Variants in HS3ST3A1 observed in about 807,000 individuals in gnomAD.
HS3ST3A1 encodes the protein heparan sulfate glucosamine 3-O-sulfotransferase 3A1.
HS3ST3A1 carries 19 observed loss-of-function variants against 25.7 expected under a neutral mutation model. The ratio of observed to expected loss-of-function variants is 0.74; its 90% CI spans 0.52 to 1.08. HS3ST3A1 has a LOEUF of 1.08. Among genes scored for constraint, HS3ST3A1 ranks in the 50% least tolerant of loss-of-function variants. HS3ST3A1 has a pLI of 0.00. For missense variants in HS3ST3A1, 459 were observed against 594.3 expected, an observed-to-expected ratio of 0.77 and a Z score of 2.37; for synonymous variants, 226 against 278.6, an observed-to-expected ratio of 0.81 and a Z score of 1.88.
In HS3ST3A1 at chr17:13,496,743, G is replaced by A. The variant is rs766645540; in HGVS notation, c.675C>T (p.Ala225=). Residue 225 remains alanine, a synonymous_variant, in exon 2 of 2, where the codon GCC becomes GCT. Transcript: ENST00000284110. The part of the protein sequence containing the change: ...KTPSYFVTRE[A]PARISAMSKD... Reference sequence around the variant, plus strand: ...TGGACATGGCCGAGATGCGCGCGGGGGCCTCCCGCGTGACGAAGTAACTGG... The same window carrying A: ...TGGACATGGCCGAGATGCGCGCGGGAGCCTCCCGCGTGACGAAGTAACTGG... 4.5e-5 allele frequency: 73 copies of A among 1,613,992 alleles called. 1 individual carries two copies. In the South Asian group the frequency reaches 7.6e-4, roughly 17 times the overall value.
intron 1 of HS3ST3A1, among the ~76,000 whole-genome samples, chr17:13,574,493 C>T (rs1340170778): frequency 2.0e-5 from 3 of 151,442 alleles, no homozygotes; most frequent in South Asian, 2.1e-4. Context: ...CTGAGACAGG[C>T]GGATCACGAG....
chr17:13,506,828 G>C (rs558165567), intron 1 of HS3ST3A1, among the ~76,000 whole-genome samples: 1 of 151,826 alleles, frequency 6.6e-6, no homozygotes, highest in African/African-American at 2.4e-5. Flanking sequence ...AGGCCGAGGC[G>C]GGTGGATCGC....
In HS3ST3A1 at chr17:13,509,852, A is replaced by G. The variant is rs980414252; in HGVS notation, c.600-13034T>C. Among the ~76,000 whole-genome samples, 5 of 152,230 alleles carry G rather than the reference A, an allele frequency of 3.3e-5. No homozygotes were observed. The East Asian group carries it at 7.7e-4, about 23-fold the overall frequency. ...CGAAAGAACACAAAAAGCCAGGCTT[A>G]GATTCTGAGTCTTCTGATGCTTGGC... On this transcript the variant is annotated intron_variant, in intron 1 of 1. Transcript: ENST00000284110.
At chr17:13,551,824 TC>T (rs2142357062) in intron 1 of HS3ST3A1, among the ~76,000 whole-genome samples, 1 of 152,334 alleles carries the variant, frequency 6.6e-6, no homozygotes, top group African/African-American at 2.4e-5. Flanking sequence ...ATTTGGTATT[TC>T]CTTGTGGCAT....
At chr17:13,512,135 T>TAA (rs1409394064) in intron 1 of HS3ST3A1, among the ~76,000 whole-genome samples, 1 of 151,786 alleles carries the variant, frequency 6.6e-6, no homozygotes, top group Admixed American at 6.6e-5. Flanking sequence ...CCGTCTCTAC[T>TAA]AAAAATACAA....
intron 1 of HS3ST3A1, among the ~76,000 whole-genome samples, chr17:13,506,866 G>A (rs1905695745): frequency 1.3e-5 from 2 of 151,292 alleles, no homozygotes; most frequent in Non-Finnish European, 2.9e-5. Context: ...AGGCCAGCCT[G>A]GGCAACATGC....
chr17:13,541,710 G>A (rs1179057481), intron 1 of HS3ST3A1, among the ~76,000 whole-genome samples: 1 of 152,162 alleles, frequency 6.6e-6, no homozygotes, highest in Non-Finnish European at 1.5e-5. Context: ...TTTAGGTTGA[G>A]CCTTTGAACA....
intron 1 of HS3ST3A1, among the ~76,000 whole-genome samples, chr17:13,585,460 A>C (rs1908233418): frequency 6.6e-6 from 1 of 151,020 alleles, no homozygotes; most frequent in African/African-American, 2.4e-5. Context: ...TCAGCCTCCC[A>C]AAGTGCTGAG....
intron 1 of HS3ST3A1, among the ~76,000 whole-genome samples, chr17:13,505,143 C>T (rs1007458764): frequency 3.9e-5 from 6 of 152,144 alleles, no homozygotes; most frequent in South Asian, 4.2e-4. Context: ...GTGGTCCTCC[C>T]AATGCCTAGT....
intron 1 of HS3ST3A1, among the ~76,000 whole-genome samples, chr17:13,593,233 C>CAAAAAAAAAAAAAAAAAAAAA (rs5819419): frequency 9.7e-6 from 1 of 103,186 alleles, no homozygotes; most frequent in Non-Finnish European, 1.9e-5. Context: ...TGTTTGTAGC[C>CAAAAAAAAAAAAAAAAAAAAA]AAAAAAAAAA....
chr17:13,584,626 G>A (rs1459191556), intron 1 of HS3ST3A1, among the ~76,000 whole-genome samples: 6 of 144,006 alleles, frequency 4.2e-5, no homozygotes, highest in Non-Finnish European at 7.5e-5. Flanking sequence ...AAAACTCTCT[G>A]ATTAAAAAAA....
At chr17:13,593,233 C>CAAAAAAAAAAAAAAAAAAA (rs5819419) in intron 1 of HS3ST3A1, among the ~76,000 whole-genome samples, 1 of 103,184 alleles carries the variant, frequency 9.7e-6, no homozygotes, top group African/African-American at 3.6e-5. Flanking sequence ...TGTTTGTAGC[C>CAAAAAAAAAAAAAAAAAAA]AAAAAAAAAA....
At chr17:13,557,559 A>G (rs1427065613) in intron 1 of HS3ST3A1, among the ~76,000 whole-genome samples, 1 of 152,244 alleles carries the variant, frequency 6.6e-6, no homozygotes, top group Non-Finnish European at 1.5e-5. Flanking sequence ...GAAATTGGAA[A>G]TACTAAGAAT....
At chr17:13,526,159 C>T (rs1306661930) in intron 1 of HS3ST3A1, among the ~76,000 whole-genome samples, 2 of 151,836 alleles carry the variant, frequency 1.3e-5, no homozygotes, top group Admixed American at 1.3e-4. Context: ...GTGCGCCCTC[C>T]CTGGGGCCCA....
Position 13,526,554 on chromosome 17 carries a change from G to T in HS3ST3A1, c.600-29736C>A, listed in dbSNP as rs1906435866. 3.8e-5 allele frequency among the ~76,000 whole-genome samples: 5 copies of T among 133,070 alleles called. No individual in the cohort carries two copies. In the South Asian group the frequency reaches 7.3e-4, roughly 19 times the overall value. 87.3% of individuals were successfully genotyped at this position (133,070 alleles called of 152,430 possible). A position where few individuals can be genotyped will look rare whatever the true frequency, so the allele number is the denominator to read the frequency against. Reference sequence around the variant, plus strand: ...TGTGATTAATTTTCATTTCCTCAAGGTTAAAAAATATATATTCTCCTCACC... The same window carrying T: ...TGTGATTAATTTTCATTTCCTCAAGTTTAAAAAATATATATTCTCCTCACC... On this transcript the variant is annotated intron_variant, in intron 1 of 1. Coordinates refer to ENST00000284110, the MANE Select transcript of HS3ST3A1 (RefSeq NM_006042.3).
At chr17:13,512,810 A>G (rs570973398) in intron 1 of HS3ST3A1, among the ~76,000 whole-genome samples, 3 of 152,180 alleles carry the variant, frequency 2.0e-5, no homozygotes, top group Non-Finnish European at 4.4e-5. Context: ...TGATCTGCGT[A>G]TGTCTTTGTT....
intron 1 of HS3ST3A1, among the ~76,000 whole-genome samples, chr17:13,525,496 T>C (rs1906382963): frequency 6.6e-6 from 1 of 152,306 alleles, no homozygotes; most frequent in Admixed American, 6.5e-5. Flanking sequence ...TAAACTTTTC[T>C]CCTTGGAATC....
chr17:13,550,661 A>G (rs901917978), intron 1 of HS3ST3A1, among the ~76,000 whole-genome samples: 2 of 152,188 alleles, frequency 1.3e-5, no homozygotes, highest in Non-Finnish European at 2.9e-5. Flanking sequence ...GATAAGACAA[A>G]TGCGGTACTT....
chr17:13,568,882 A>G (rs1907736647), intron 1 of HS3ST3A1, among the ~76,000 whole-genome samples: 1 of 152,226 alleles, frequency 6.6e-6, no homozygotes, highest in Admixed American at 6.5e-5. Flanking sequence ...TGGTTCTCAC[A>G]CTTCACGGGA....
Sources: allele counts gnomAD v4.1 joint callset (sites outside exome capture counted in the v4.1 genomes callset), GRCh38; gene constraint gnomAD v4.1.1; transcripts MANE v1.5; gene names NCBI Gene and HGNC (gene_info 2026-07-23, HGNC 2026-07-21).